SRF: variants seen among roughly 807,000 people sequenced by gnomAD.
The protein encoded by SRF is serum response factor, also known as c-fos serum response element-binding transcription factor.
A neutral mutation model predicts 37.1 loss-of-function variants in SRF; 7 were observed. That is an observed-to-expected ratio of 0.19 (90% confidence interval 0.11 to 0.35). The LOEUF (loss-of-function observed/expected upper bound fraction) is 0.35, where lower values mean the gene tolerates loss of function less well. Ranked by LOEUF, SRF falls within the 10% of genes least tolerant of loss-of-function variation. SRF has a pLI of 1.00. For missense variants in SRF, 395 were observed against 694.4 expected (o/e 0.57, Z 4.85); for synonymous variants, 285 against 310.1 (o/e 0.92, Z 0.85).
At chr6:43,174,481 G>T (rs949304243) in intron 2 of SRF, among the ~76,000 whole-genome samples, 1 of 152,228 alleles carries the variant, frequency 6.6e-6, no homozygotes, top group Non-Finnish European at 1.5e-5. Flanking sequence ...CCGGTCCCGG[G>T]GTCCTGGGAA....
rs767783421 is a variant in SRF, at chr6:43,175,743, C to A, written c.818C>A (p.Pro273Gln). Residue 273 changes from proline (P) to glutamine (Q), a missense_variant, in exon 3 of 7, where the codon CCG becomes CAG. Around this residue, in one of 4 missense-constraint regions of SRF, gnomAD observed 232 missense variants for 335.6 expected, o/e 0.69. Transcript: ENST00000265354. ...LKPAFTVTNL[P>Q]GTTSTIQTAP... ...CCGGCGTTCACAGTCACCAACCTGCCGGGTACAACCTCCACCATCCAAACA... is the reference window on the plus strand; with the variant it reads ...CCGGCGTTCACAGTCACCAACCTGCAGGGTACAACCTCCACCATCCAAACA... 3.1e-6 allele frequency: 5 copies of A among 1,614,054 alleles called. No individual in the cohort carries two copies. The South Asian group carries it at 5.5e-5, about 18-fold the overall frequency.
In SRF at chr6:43,179,024, G is replaced by GCAGGGAAGC; in HGVS notation, c.1432-65_1432-57dup. 1 of 1,590,914 alleles carries GCAGGGAAGC rather than the reference G, an allele frequency of 6.3e-7. No homozygotes were observed. The highest frequency in any genetic ancestry group is 2.2e-5 in the East Asian group (1 of 44,750). ...TTCTGCTCAGGCCTGTGGTTGGCAGGCAGGGAAGCCAGGGGAGCCTGAACT... is the reference window on the plus strand; with the variant it reads ...TTCTGCTCAGGCCTGTGGTTGGCAGGCAGGGAAGCCAGGGAAGCCAGGGGAGCCTGAACT... On this transcript the variant is annotated intron_variant, in intron 6 of 6. Coordinates refer to ENST00000265354, the MANE Select transcript of SRF (RefSeq NM_003131.4). The surrounding 1 kb of genome is among the most constrained non-coding windows in gnomAD (Gnocchi z 5.3).
chr6:43,171,527 G>GGCGGCC lies in SRF; in HGVS notation c.-124_-119dup, dbSNP rs1772095905. 3.8e-6 allele frequency: 4 copies of GGCGGCC among 1,039,914 alleles called. No individual in the cohort carries two copies. Among genetic ancestry groups the GGCGGCC allele is most frequent in the Non-Finnish European group, 4.8e-6 (4 of 828,870 alleles). The allele number at this position is 1,039,914 out of a possible 1,614,324, so 64.4% of individuals were successfully genotyped here. A position where few individuals can be genotyped will look rare whatever the true frequency, so the allele number is the denominator to read the frequency against. ...CGTGCAGGGGCCCCGGGTTCGCAGC[G>GGCGGCC]GCGGCCGCGGCAGCGATAGCGGCAC... On this transcript the variant is annotated 5_prime_UTR_variant, in exon 1 of 7. Transcript: ENST00000265354. The surrounding 1 kb of genome is among the most constrained non-coding windows in gnomAD (Gnocchi z 6.5).
intron 2 of SRF, among the ~76,000 whole-genome samples, chr6:43,174,804 C>T (rs76774759): frequency 2.9e-4 from 44 of 152,312 alleles, no homozygotes; most frequent in African/African-American, 9.9e-4. Context: ...GCTTTGCAAA[C>T]GTCTCGTGCT....
intron 2 of SRF, 101 bp from the exon 3 acceptor site, chr6:43,175,605 C>T: frequency 1.3e-6 from 2 of 1,519,524 alleles, no homozygotes; most frequent in Non-Finnish European, 9.0e-7. Context: ...GGATTTGAAC[C>T]CAAGCTCACT....
Position 43,178,934 on chromosome 6 carries a change from ACCTTAGGGGAT to A in SRF, c.1431+56_1431+66del. On this transcript the variant is annotated intron_variant, in intron 6 of 6. Transcript: ENST00000265354. This position sits in a 1 kb window ranked among gnomAD's most constrained non-coding sequence, Gnocchi z 4.3. ...CCCAGATAGCCACTTCTTTGTCTTGACCTTAGGGGATCCTGTTACCAGTTCATCAAAGCCAA... is the reference window on the plus strand; with the variant it reads ...CCCAGATAGCCACTTCTTTGTCTTGACCTGTTACCAGTTCATCAAAGCCAA... 1 of 1,595,626 alleles carries A rather than the reference ACCTTAGGGGAT, an allele frequency of 6.3e-7. No homozygotes were observed. Among genetic ancestry groups the A allele is most frequent in the Non-Finnish European group, 8.6e-7 (1 of 1,163,322 alleles).
chr6:43,174,245 G>T, intron 2 of SRF, 132 bp downstream of exon 2: 1 of 1,207,300 alleles, frequency 8.3e-7, no homozygotes, highest in Non-Finnish European at 1.1e-6. Flanking sequence ...CTAGGGGACA[G>T]GTGTCCATCC....
In SRF at chr6:43,179,247, C is replaced by T; in HGVS notation, c.*57C>T. On this transcript the variant is annotated 3_prime_UTR_variant, in exon 7 of 7. Transcript: ENST00000265354. The surrounding 1 kb of genome is among the most constrained non-coding windows in gnomAD (Gnocchi z 5.3). ...GGATGGCACCACTTATTTATTGTTGCCTTTTCACGTTTTCTTTACACACAC... is the reference window on the plus strand; with the variant it reads ...GGATGGCACCACTTATTTATTGTTGTCTTTTCACGTTTTCTTTACACACAC... 6.3e-7 allele frequency: 1 copy of T among 1,588,176 alleles called. No homozygotes were observed. The highest frequency in any genetic ancestry group is 8.6e-7 in the Non-Finnish European group (1 of 1,158,454).
chr6:43,177,052 C>G (rs1248357223), intron 4 of SRF, among the ~76,000 whole-genome samples: 1 of 152,130 alleles, frequency 6.6e-6, no homozygotes, highest in Non-Finnish European at 1.5e-5. Flanking sequence ...TCAGGTATCT[C>G]TAGACATTTC....
At chr6:43,175,350 G>A (rs1438548505) in intron 2 of SRF, among the ~76,000 whole-genome samples, 1 of 152,148 alleles carries the variant, frequency 6.6e-6, no homozygotes, top group African/African-American at 2.4e-5. Flanking sequence ...ACAGTCCGCT[G>A]GAGCAGAGAA....
rs1438292593 is a variant in SRF at position 43,171,322 on chromosome 6, A to G, written c.-335A>G. 1.7e-5 allele frequency: 3 copies of G among 173,426 alleles called. No individual in the cohort carries two copies. In the East Asian group the frequency reaches 4.7e-4, roughly 27 times the overall value. The allele number at this position is 173,426 out of a possible 1,614,324, so 10.7% of individuals were successfully genotyped here. A position where few individuals can be genotyped will look rare whatever the true frequency, so the allele number is the denominator to read the frequency against. ...AGGGTCGGGGGATCCCTCCGCCGCC[A>G]GCGCGTGGTCCCGGCCCCCTCCACC... On this transcript the variant is annotated 5_prime_UTR_variant, in exon 1 of 7. Coordinates refer to ENST00000265354, the MANE Select transcript of SRF (RefSeq NM_003131.4). This position sits in a 1 kb window ranked among gnomAD's most constrained non-coding sequence, Gnocchi z 6.5.
At position 43,172,534 on chromosome 6, in the gene SRF, G is replaced by C. The variant is rs1034375893; in HGVS notation, c.513+365G>C. 2 of 916,542 alleles carry C rather than the reference G, an allele frequency of 2.2e-6. No homozygotes were observed. The highest frequency in any genetic ancestry group is 2.6e-6 in the Non-Finnish European group (2 of 767,170). 56.8% of individuals were successfully genotyped at this position (916,542 alleles called of 1,614,324 possible). A position where few individuals can be genotyped will look rare whatever the true frequency, so the allele number is the denominator to read the frequency against. The stretch of plus-strand genomic sequence containing the variant: ...GGGATCAGTAGGTCCAGTGCACTCC[G>C]GTGTTCGGACGAGGGCGCCGGAAAA... On this transcript the variant is annotated intron_variant, in intron 1 of 6. Transcript: ENST00000265354. This position sits in a 1 kb window ranked among gnomAD's most constrained non-coding sequence, Gnocchi z 5.7.
Position 43,172,579 on chromosome 6 carries a change from G to T in SRF, c.513+410G>T. 2.1e-6 allele frequency: 1 copy of T among 479,394 alleles called. No individual in the cohort carries two copies. Among genetic ancestry groups the T allele is most frequent in the Non-Finnish European group, 2.7e-6 (1 of 367,722 alleles). 29.7% of individuals were successfully genotyped at this position (479,394 alleles called of 1,614,324 possible). A position where few individuals can be genotyped will look rare whatever the true frequency, so the allele number is the denominator to read the frequency against. On this transcript the variant is annotated intron_variant, in intron 1 of 6. Coordinates refer to ENST00000265354, the MANE Select transcript of SRF (RefSeq NM_003131.4). The surrounding 1 kb of genome is among the most constrained non-coding windows in gnomAD (Gnocchi z 5.7). ...GGAAAAGCAGGGAGCAAACGAGAAG[G>T]TATGGAGGTGAGGAGGCTGGAGCTG...
chr6:43,171,734 G>T lies in SRF; in HGVS notation c.78G>T (p.Pro26=), dbSNP rs1772104013. 2 of 1,203,172 alleles carry T rather than the reference G, an allele frequency of 1.7e-6. No homozygotes were observed. Among genetic ancestry groups the T allele is most frequent in the Non-Finnish European group, 2.1e-6 (2 of 969,252 alleles). 74.5% of individuals were successfully genotyped at this position (1,203,172 alleles called of 1,614,324 possible). The change falls in exon 1 of 7, where the codon CCG becomes CCT. Residue 26 remains proline (P), a synonymous_variant. Coordinates refer to ENST00000265354, the MANE Select transcript of SRF (RefSeq NM_003131.4). The surrounding 1 kb of genome is among the most constrained non-coding windows in gnomAD (Gnocchi z 6.5). ...SALGGSLNRT[P]TGRPGGGGGT... ...TGGGGGGCAGCCTGAACCGGACCCC[G>T]ACGGGGCGGCCGGGCGGCGGCGGCG...
At position 43,173,511 on chromosome 6, in the gene SRF, G is replaced by C. The variant is rs1329059976; in HGVS notation, c.514-336G>C. Among the ~76,000 whole-genome samples, 1 of 152,182 alleles carries C rather than the reference G, an allele frequency of 6.6e-6. No individual in the cohort carries two copies. Among genetic ancestry groups the C allele is most frequent in the Non-Finnish European group, 1.5e-5 (1 of 68,034 alleles). Reference sequence around the variant, plus strand: ...CCTGGTCCCTGTGACAGTGAGAAGGGGTGAGGCTCTGGGACATTCCAGGCA... The same window carrying C: ...CCTGGTCCCTGTGACAGTGAGAAGGCGTGAGGCTCTGGGACATTCCAGGCA... On this transcript the variant is annotated intron_variant, in intron 1 of 6. Transcript: ENST00000265354. This position sits in a 1 kb window ranked among gnomAD's most constrained non-coding sequence, Gnocchi z 4.2.
At chr6:43,177,096 T>C (rs1483039617) in intron 4 of SRF, among the ~76,000 whole-genome samples, 4 of 152,204 alleles carry the variant, frequency 2.6e-5, no homozygotes, top group African/African-American at 9.7e-5. Flanking sequence ...GTAAGGTTAA[T>C]TTTAAGTTCT....
Position 43,175,822 on chromosome 6 carries a change from C to T in SRF, c.897C>T (p.Ile299=), listed in dbSNP as rs1275523984. Residue 299 remains isoleucine, a synonymous_variant, in exon 3 of 7, where the codon ATC becomes ATT. Coordinates refer to ENST00000265354, the MANE Select transcript of SRF (RefSeq NM_003131.4). ...MQVSSGPSFP[I]TNYLAPVSAS... ...TCAGCAGCGGCCCCTCCTTTCCCAT[C>T]ACCAACTACCTGGCACCAGTGTCTG... 1.2e-6 allele frequency: 2 copies of T among 1,614,084 alleles called. No homozygotes were observed. Among genetic ancestry groups the T allele is most frequent in the Admixed American group, 3.3e-5 (2 of 60,006 alleles).
At position 43,176,753 on chromosome 6, in the gene SRF, C is replaced by T. The variant is rs1186272628; in HGVS notation, c.1162+86C>T. 7.9e-6 allele frequency: 12 copies of T among 1,518,366 alleles called. No homozygotes were observed. In the East Asian group the frequency reaches 2.8e-4, roughly 35 times the overall value. 94.1% of individuals were successfully genotyped at this position (1,518,366 alleles called of 1,614,324 possible). On this transcript the variant is annotated intron_variant, in intron 4 of 6. Transcript: ENST00000265354. The surrounding 1 kb of genome is among the most constrained non-coding windows in gnomAD (Gnocchi z 4.0). ...GTGCCCAACAGTAACCCTCCTGTAA[C>T]TAAAGTCAGGGGATTTCTTAAAGTG...
intron 2 of SRF, among the ~76,000 whole-genome samples, chr6:43,175,019 G>A (rs902702419): frequency 6.6e-6 from 1 of 152,178 alleles, no homozygotes; most frequent in Non-Finnish European, 1.5e-5. Context: ...TTATTCCCAG[G>A]AAATTTTGTT....
Sources: allele counts gnomAD v4.1 joint callset (sites outside exome capture counted in the v4.1 genomes callset), GRCh38; gene constraint gnomAD v4.1.1; regional missense constraint gnomAD v4.1.1; non-coding constraint Gnocchi (gnomAD v3.1); transcripts MANE v1.5; gene names NCBI Gene and HGNC (gene_info 2026-07-23, HGNC 2026-07-21).